The following JAKMIP2 variants were observed in gnomAD, a reference collection of about 807,000 sequenced individuals.
The protein encoded by JAKMIP2 is janus kinase and microtubule-interacting protein 2.
In JAKMIP2, 25 loss-of-function variants were observed where a neutral mutation model predicts 115.0. The observed-to-expected ratio is 0.22, with a 90% CI of 0.16 to 0.30. The LOEUF (loss-of-function observed/expected upper bound fraction) is 0.30. Ranked by LOEUF, JAKMIP2 falls within the 10% of genes least tolerant of loss-of-function variation. The pLI, the probability that JAKMIP2 is intolerant of heterozygous loss-of-function variation, is 1.00. For missense variants in JAKMIP2, 642 were observed against 957.6 expected, an observed-to-expected ratio of 0.67 and a Z score of 4.35; for synonymous variants, 334 against 343.6, an observed-to-expected ratio of 0.97 and a Z score of 0.31.
intron 3 of JAKMIP2, among the ~76,000 whole-genome samples, chr5:147,659,694 T>C (rs1758864002): frequency 6.6e-6 from 1 of 152,212 alleles, no homozygotes; most frequent in African/African-American, 2.4e-5. Flanking sequence ...GAAGTCCTGA[T>C]TCTTTCTTCA....
intron 19 of JAKMIP2, 133 bp downstream of exon 19, chr5:147,617,778 T>TTATTTA (rs1272326578): frequency 4.1e-5 from 27 of 659,016 alleles, no homozygotes; most frequent in Middle Eastern, 4.0e-4. Flanking sequence ...AAAACAATGG[T>TTATTTA]TATTTATTTT....
intron 1 of JAKMIP2, among the ~76,000 whole-genome samples, chr5:147,750,682 C>T (rs1442697849): frequency 6.6e-6 from 1 of 151,944 alleles, no homozygotes; most frequent in Admixed American, 6.6e-5. Context: ...TACGTTGAAG[C>T]CTTAACCCCG....
chr5:147,614,796 C>T (rs1756491636), intron 19 of JAKMIP2, among the ~76,000 whole-genome samples: 3 of 152,238 alleles, frequency 2.0e-5, no homozygotes. Context: ...CTCACTCTGG[C>T]TCTGCGTGCT....
intron 2 of JAKMIP2, 38 bp downstream of exon 2, chr5:147,671,640 T>C: frequency 1.5e-6 from 2 of 1,363,160 alleles, no homozygotes; most frequent in Non-Finnish European, 1.9e-6. Flanking sequence ...CAGCCAGAGC[T>C]GCTCTTAATG....
intron 2 of JAKMIP2, 45 bp from the exon 3 acceptor site, chr5:147,661,490 G>C: frequency 6.4e-7 from 1 of 1,567,516 alleles, no homozygotes; most frequent in Non-Finnish European, 8.6e-7. Flanking sequence ...GAGCCTCAAA[G>C]GACGGGTGTG....
rs531656100 is a variant in JAKMIP2, at chr5:147,764,920, AAG to A, written c.-149+17534_-149+17535del. Among the ~76,000 whole-genome samples, 103 of 39,456 alleles carry A rather than the reference AAG, an allele frequency of 2.6e-3. 3 individuals are homozygous for A. Among genetic ancestry groups the A allele is most frequent in the South Asian group, 0.012 (13 of 1,046 alleles). 25.9% of individuals were successfully genotyped at this position (39,456 alleles called of 152,430 possible). A position where few individuals can be genotyped will look rare whatever the true frequency, so the allele number is the denominator to read the frequency against. On this transcript the variant is annotated intron_variant, in intron 1 of 21. Coordinates refer to ENST00000616793, the MANE Select transcript of JAKMIP2 (RefSeq NM_001270941.2). Reference sequence around the variant, plus strand: ...AAAGAAAGAAAGAAAGAAAGAAAGAAAGAGAGAGAGAGAGAGAGAGAGAGAGG... The same window carrying A: ...AAAGAAAGAAAGAAAGAAAGAAAGAAAGAGAGAGAGAGAGAGAGAGAGAGG...
chr5:147,728,971 A>C (rs1321922489), intron 1 of JAKMIP2, among the ~76,000 whole-genome samples: 2 of 152,228 alleles, frequency 1.3e-5, no homozygotes, highest in Non-Finnish European at 2.9e-5. Context: ...CTGGTACATA[A>C]TTAGAATCAC....
chr5:147,689,576 G>C (rs1260243068), intron 1 of JAKMIP2, among the ~76,000 whole-genome samples: 1 of 152,164 alleles, frequency 6.6e-6, no homozygotes, highest in Non-Finnish European at 1.5e-5. Context: ...CATGGGATCA[G>C]TAAGTTGAGC....
At chr5:147,738,197 A>G (rs1753997717) in intron 1 of JAKMIP2, among the ~76,000 whole-genome samples, 2 of 152,310 alleles carry the variant, frequency 1.3e-5, no homozygotes, top group African/African-American at 4.8e-5. Context: ...TGGAATCACA[A>G]TAGCAGATAC....
chr5:147,615,760 G>A (rs1335063304), intron 19 of JAKMIP2, among the ~76,000 whole-genome samples: 5 of 151,948 alleles, frequency 3.3e-5, no homozygotes, highest in African/African-American at 1.2e-4. Flanking sequence ...GTTTTGTGAA[G>A]GCAGGGTCCA....
intron 1 of JAKMIP2, among the ~76,000 whole-genome samples, chr5:147,725,443 TC>T (rs1753481795): frequency 6.6e-6 from 1 of 152,144 alleles, no homozygotes; most frequent in Non-Finnish European, 1.5e-5. Flanking sequence ...TCGTGCAAGG[TC>T]CAAGAACCCT....
intron 1 of JAKMIP2, among the ~76,000 whole-genome samples, chr5:147,698,311 G>T (rs1413231919): frequency 6.6e-6 from 1 of 152,168 alleles, no homozygotes; most frequent in East Asian, 1.9e-4. Context: ...GATTTTATAG[G>T]ATCATAGGCA....
At chr5:147,659,960 A>G (rs1278574977) in intron 3 of JAKMIP2, among the ~76,000 whole-genome samples, 1 of 152,244 alleles carries the variant, frequency 6.6e-6, no homozygotes, top group East Asian at 1.9e-4. Flanking sequence ...GAACATAATT[A>G]GAATTCTCAG....
At chr5:147,755,124 C>T (rs1015883100) in intron 1 of JAKMIP2, among the ~76,000 whole-genome samples, 1 of 152,090 alleles carries the variant, frequency 6.6e-6, no homozygotes. Flanking sequence ...ACTCATTAGA[C>T]AAATCCAAGA....
At chr5:147,752,561 C>A (rs911905928) in intron 1 of JAKMIP2, among the ~76,000 whole-genome samples, 9 of 152,160 alleles carry the variant, frequency 5.9e-5, no homozygotes, top group African/African-American at 2.2e-4. Context: ...CAGAGACCTA[C>A]CTTAAGGCCC....
At chr5:147,679,309 ATC>A (rs1760138654) in intron 1 of JAKMIP2, among the ~76,000 whole-genome samples, 1 of 152,118 alleles carries the variant, frequency 6.6e-6, no homozygotes, top group Non-Finnish European at 1.5e-5. Context: ...TGACTCTCAC[ATC>A]ATAAAATACC....
chr5:147,636,948 A>C lies in JAKMIP2; in HGVS notation c.1614+17T>G, dbSNP rs1431860320. 2.3e-6 allele frequency: 2 copies of C among 872,772 alleles called. No individual in the cohort carries two copies. Among genetic ancestry groups the C allele is most frequent in the Non-Finnish European group, 4.0e-6 (2 of 501,688 alleles). 54.1% of individuals were successfully genotyped at this position (872,772 alleles called of 1,614,324 possible). A position where few individuals can be genotyped will look rare whatever the true frequency, so the allele number is the denominator to read the frequency against. On this transcript the variant is annotated intron_variant, in intron 11 of 21. Coordinates refer to ENST00000616793, the MANE Select transcript of JAKMIP2 (RefSeq NM_001270941.2). ...AATTGTCTGCATCTGCAGAAGAGCT[A>C]GCAACCAAATGCCTACCTGCCCTTT... is the stretch of plus-strand genomic sequence containing the variant.
intron 1 of JAKMIP2, among the ~76,000 whole-genome samples, chr5:147,697,368 C>A (rs1266214039): frequency 6.6e-6 from 1 of 152,154 alleles, no homozygotes. Context: ...CCCCATGGGT[C>A]CCTCCCACAA....
chr5:147,663,116 C>T (rs1325710876), intron 2 of JAKMIP2, among the ~76,000 whole-genome samples: 2 of 152,092 alleles, frequency 1.3e-5, no homozygotes, highest in East Asian at 3.9e-4. Context: ...TAGTTAAGAA[C>T]CTTTCCAGTT....
Sources: gnomAD v4.1 joint callset for allele counts (sites outside exome capture counted in the v4.1 genomes callset) on GRCh38, gnomAD v4.1.1 for gene constraint, MANE v1.5 for transcripts, NCBI Gene and HGNC (gene_info 2026-07-23, HGNC 2026-07-21) for gene names.